The following GPC6 variants were observed in gnomAD, a reference collection of about 807,000 sequenced individuals.
The protein encoded by GPC6 is glypican-6.
Under a neutral mutation model 55.2 loss-of-function variants are expected in GPC6, and 14 were observed. That is an observed-to-expected ratio of 0.25 (90% CI 0.17 to 0.40). GPC6 has a LOEUF of 0.40. Among genes scored for constraint, GPC6 ranks in the 10% least tolerant of loss-of-function variants. GPC6 has a pLI of 1.00. For synonymous variants in GPC6, 278 were observed against 259.6 expected, an observed-to-expected ratio of 1.07 and a Z score of -0.68; for missense variants, 641 against 708.5, an observed-to-expected ratio of 0.90 and a Z score of 1.08.
intron 2 of GPC6, among the ~76,000 whole-genome samples, chr13:93,737,912 C>T (rs924902479): frequency 1.3e-5 from 2 of 152,094 alleles, no homozygotes; most frequent in East Asian, 1.9e-4. Context: ...TAAAAGTACT[C>T]GGAATTATGC....
intron 1 of GPC6, among the ~76,000 whole-genome samples, chr13:93,256,539 G>T (rs754547581): frequency 4.6e-5 from 7 of 152,178 alleles, no homozygotes; most frequent in Non-Finnish European, 8.8e-5. Flanking sequence ...CATTTATCCT[G>T]GCATAGCCCT....
chr13:93,696,300 G>A (rs907993438), intron 2 of GPC6, among the ~76,000 whole-genome samples: 1 of 152,066 alleles, frequency 6.6e-6, no homozygotes, highest in Non-Finnish European at 1.5e-5. Context: ...AATATTTAGA[G>A]TTTTGGTATT....
chr13:93,261,645 T>C (rs1877152210), intron 1 of GPC6, among the ~76,000 whole-genome samples: 1 of 152,166 alleles, frequency 6.6e-6, no homozygotes, highest in Non-Finnish European at 1.5e-5. Flanking sequence ...CACTCCAGAA[T>C]TCCCTGAGAA....
intron 1 of GPC6, among the ~76,000 whole-genome samples, chr13:93,447,702 A>G (rs1184444334): frequency 1.3e-5 from 2 of 152,164 alleles, no homozygotes; most frequent in African/African-American, 2.4e-5. Flanking sequence ...TTCAATTTCA[A>G]TTATCAGATG....
intron 2 of GPC6, among the ~76,000 whole-genome samples, chr13:93,681,064 A>G (rs193092246): frequency 2.0e-5 from 3 of 152,298 alleles, no homozygotes; most frequent in Admixed American, 2.0e-4. Context: ...TGTCCACATT[A>G]CATTTGTCAT....
chr13:94,061,534 G>A (rs1219081967), intron 4 of GPC6, among the ~76,000 whole-genome samples: 1 of 152,014 alleles, frequency 6.6e-6, no homozygotes, highest in Non-Finnish European at 1.5e-5. Flanking sequence ...GCAGCACATG[G>A]TTAGCAGAGG....
chr13:93,999,627 A>G (rs906645679), intron 3 of GPC6, among the ~76,000 whole-genome samples: 3 of 152,212 alleles, frequency 2.0e-5, no homozygotes, highest in Non-Finnish European at 2.9e-5. Context: ...AGGATTTTCT[A>G]CTTTTTAAAG....
chr13:93,410,761 T>C (rs1450586690), intron 1 of GPC6, among the ~76,000 whole-genome samples: 1 of 152,224 alleles, frequency 6.6e-6, no homozygotes, highest in Non-Finnish European at 1.5e-5. Context: ...TTCTGGCTCA[T>C]AATGTAGCTT....
chr13:93,916,029 GT>G (rs1877271034), intron 3 of GPC6, among the ~76,000 whole-genome samples: 2 of 151,984 alleles, frequency 1.3e-5, no homozygotes, highest in African/African-American at 4.8e-5. Context: ...TCCAGGAAGT[GT>G]TTTCCCTGGG....
chr13:93,866,628 A>G (rs1465525491), intron 3 of GPC6, among the ~76,000 whole-genome samples: 1 of 151,818 alleles, frequency 6.6e-6, no homozygotes, highest in Admixed American at 6.6e-5. Context: ...ACAGAAAACC[A>G]AATAGTGCAT....
chr13:94,334,201 C>A (rs908759635), intron 6 of GPC6, among the ~76,000 whole-genome samples: 1 of 152,222 alleles, frequency 6.6e-6, no homozygotes, highest in Non-Finnish European at 1.5e-5. Flanking sequence ...TCAACTCTGA[C>A]ATTTTTATCT....
chr13:94,058,306 A>G (rs906275639), intron 4 of GPC6, among the ~76,000 whole-genome samples: 6 of 152,186 alleles, frequency 3.9e-5, no homozygotes, highest in African/African-American at 1.4e-4. Context: ...TCCATCTGCC[A>G]ATGGAGAGAC....
intron 2 of GPC6, among the ~76,000 whole-genome samples, chr13:93,632,962 G>C (rs1594327708): frequency 6.6e-6 from 1 of 152,166 alleles, no homozygotes; most frequent in South Asian, 2.1e-4. Flanking sequence ...GTCATATCAA[G>C]TAGGGACACA....
At chr13:93,267,423 A>C (rs1027124269) in intron 1 of GPC6, among the ~76,000 whole-genome samples, 7 of 151,830 alleles carry the variant, frequency 4.6e-5, no homozygotes, top group African/African-American at 1.4e-4. Flanking sequence ...ATAGACTTTA[A>C]TTCTTCATAA....
chr13:93,880,876 C>A (rs1265758411), intron 3 of GPC6, among the ~76,000 whole-genome samples: 1 of 107,220 alleles, frequency 9.3e-6, no homozygotes, highest in Non-Finnish European at 1.9e-5. Context: ...ATAAAATAGC[C>A]TTTGCAACTA....
intron 4 of GPC6, among the ~76,000 whole-genome samples, chr13:94,104,525 A>G (rs1434576157): frequency 2.6e-5 from 4 of 152,208 alleles, no homozygotes; most frequent in African/African-American, 9.6e-5. Context: ...GAGGAAGTCA[A>G]ATTGTCCCTG....
At chr13:93,519,928 G>C (rs1310993213) in intron 1 of GPC6, among the ~76,000 whole-genome samples, 2 of 151,940 alleles carry the variant, frequency 1.3e-5, no homozygotes, top group Non-Finnish European at 2.9e-5. Flanking sequence ...GCTAAGAATT[G>C]TATTAAATTG....
chr13:93,596,982 A>T (rs561709338), intron 2 of GPC6, among the ~76,000 whole-genome samples: 1 of 146,628 alleles, frequency 6.8e-6, no homozygotes, highest in African/African-American at 2.6e-5. Flanking sequence ...ACCCAAGAAG[A>T]ACTTATATTT....
At chr13:93,426,220 G>GTGTTT (rs1451305683) in intron 1 of GPC6, among the ~76,000 whole-genome samples, 1 of 127,240 alleles carries the variant, frequency 7.9e-6, no homozygotes, top group Non-Finnish European at 1.7e-5. Flanking sequence ...AATGGTAAAA[G>GTGTTT]TGTTTTTATT....
Sources: gnomAD v4.1 joint callset for allele counts (sites outside exome capture counted in the v4.1 genomes callset) on GRCh38, gnomAD v4.1.1 for gene constraint, MANE v1.5 for transcripts, NCBI Gene and HGNC (gene_info 2026-07-23, HGNC 2026-07-21) for gene names.